Variants in FAM83A observed in about 807,000 individuals in gnomAD.
The protein encoded by FAM83A is scaffolding CK1 anchoring protein A.
A neutral mutation model predicts 24.4 loss-of-function variants in FAM83A; 21 were observed. That is an observed-to-expected ratio of 0.86 (90% CI 0.61 to 1.24). FAM83A has a LOEUF of 1.24. FAM83A is among the 50% of genes most tolerant of loss of function. The pLI is 0.00. For missense variants in FAM83A, 617 were observed against 579.8 expected, an observed-to-expected ratio of 1.06 and a Z score of -0.66; for synonymous variants, 270 against 252.4, an observed-to-expected ratio of 1.07 and a Z score of -0.66.
At chr8:123,192,111 G>A in intron 2 of FAM83A, 141 bp downstream of exon 2, 2 of 907,320 alleles carry the variant, frequency 2.2e-6, no homozygotes, top group Non-Finnish European at 3.3e-6. Context: ...AAACTCCTAT[G>A]TAGGTCAGAT....
At chr8:123,207,399 C>T (rs140363798) in exon 4 of FAM83A, 7 of 1,611,032 alleles carry the variant, frequency 4.3e-6, no homozygotes, top group East Asian at 2.2e-5. Context: ...AGCGGCCGCT[C>T]GGCAGGCAGC....
chr8:123,207,418 T>C, exon 4 of FAM83A: 1 of 1,610,130 alleles, frequency 6.2e-7, no homozygotes, highest in South Asian at 1.1e-5. Flanking sequence ...GCCACCCCGG[T>C]ACCCGAAGTG....
At chr8:123,185,251 G>A (rs556757656) in intron 1 of FAM83A, among the ~76,000 whole-genome samples, 8 of 152,218 alleles carry the variant, frequency 5.3e-5, no homozygotes, top group Non-Finnish European at 1.2e-4. Flanking sequence ...GGCTCCAAAG[G>A]CCTGTTCCTG....
intron 3 of FAM83A, among the ~76,000 whole-genome samples, chr8:123,205,425 A>G (rs961370270): frequency 2.0e-5 from 3 of 152,240 alleles, no homozygotes; most frequent in African/African-American, 7.2e-5. Context: ...CTCGGCATCA[A>G]CTGCTCACCT....
intron 1 of FAM83A, among the ~76,000 whole-genome samples, chr8:123,191,334 T>A (rs1490249065): frequency 2.6e-5 from 4 of 152,172 alleles, no homozygotes; most frequent in Non-Finnish European, 5.9e-5. Flanking sequence ...ATACGGTGCC[T>A]CCACATGGGA....
intron 1 of FAM83A, among the ~76,000 whole-genome samples, chr8:123,188,762 C>A (rs1284265792): frequency 1.3e-5 from 2 of 152,214 alleles, no homozygotes; most frequent in African/African-American, 2.4e-5. Context: ...GGATTATAGG[C>A]ATAAGCCACC....
At chr8:123,189,269 C>T (rs976909366) in intron 1 of FAM83A, among the ~76,000 whole-genome samples, 1 of 152,186 alleles carries the variant, frequency 6.6e-6, no homozygotes, top group African/African-American at 2.4e-5. Context: ...TGAGGAGTTC[C>T]CTCCCCTGTC....
At chr8:123,190,284 CAG>C (rs775964589) in intron 1 of FAM83A, among the ~76,000 whole-genome samples, 25 of 152,158 alleles carry the variant, frequency 1.6e-4, no homozygotes, top group African/African-American at 5.8e-4. Context: ...TATTTTGAGA[CAG>C]AGTCTCTTTC....
At chr8:123,203,758 G>A (rs1276421903) in intron 3 of FAM83A, among the ~76,000 whole-genome samples, 1 of 151,788 alleles carries the variant, frequency 6.6e-6, no homozygotes, top group African/African-American at 2.4e-5. Context: ...AAGTGGGTGG[G>A]AGACATAAGC....
chr8:123,183,487 G>C (rs1823685699), intron 1 of FAM83A, 151 bp downstream of exon 1: 5 of 1,244,794 alleles, frequency 4.0e-6, no homozygotes, highest in African/African-American at 3.0e-5. Flanking sequence ...GCCTTGCCCT[G>C]GACCACTGAC....
At chr8:123,182,963 G>T in exon 1 of FAM83A, 1 of 1,609,584 alleles carries the variant, frequency 6.2e-7, no homozygotes, top group Non-Finnish European at 8.5e-7. Context: ...GAGAGTGCCC[G>T]GCTGGCCACG....
intron 1 of FAM83A, among the ~76,000 whole-genome samples, chr8:123,186,461 A>G (rs1823801631): frequency 6.6e-6 from 1 of 152,230 alleles, no homozygotes; most frequent in Non-Finnish European, 1.5e-5. Flanking sequence ...GAGTCCCAGC[A>G]TGAGAGATGT....
intron 3 of FAM83A, among the ~76,000 whole-genome samples, chr8:123,205,208 C>T (rs1253366996): frequency 2.6e-5 from 4 of 152,022 alleles, no homozygotes; most frequent in Admixed American, 6.5e-5. Flanking sequence ...ACAGTGCAAT[C>T]GGGGACACAG....
At chr8:123,208,177 G>A in exon 4 of FAM83A, 1 of 988,416 alleles carries the variant, frequency 1.0e-6, no homozygotes, top group African/African-American at 1.7e-5. Flanking sequence ...GAACATTCTG[G>A]ATGTTTCGGG....
exon 4 of FAM83A, chr8:123,207,851 C>T (rs1003654956): frequency 1.8e-4 from 246 of 1,383,384 alleles, no homozygotes; most frequent in Non-Finnish European, 2.2e-4. Flanking sequence ...ATCCACTTGC[C>T]GGCCCCCACC....
chr8:123,193,788 CAGA>C (rs1414896119), intron 2 of FAM83A, among the ~76,000 whole-genome samples: 1 of 152,210 alleles, frequency 6.6e-6, no homozygotes, highest in Non-Finnish European at 1.5e-5. Flanking sequence ...CCTCACATGG[CAGA>C]AGGAGTGAGG....
intron 3 of FAM83A, among the ~76,000 whole-genome samples, chr8:123,200,966 A>ATATAT (rs1401338249): frequency 1.9e-4 from 27 of 145,026 alleles, no homozygotes; most frequent in African/African-American, 7.0e-4. Flanking sequence ...ACAAAAAAAA[A>ATATAT]AAATATATAT....
chr8:123,200,832 G>A (rs1224439696), intron 3 of FAM83A, among the ~76,000 whole-genome samples: 2 of 151,962 alleles, frequency 1.3e-5, no homozygotes, highest in Admixed American at 6.6e-5. Flanking sequence ...GTGGGTGCCT[G>A]TAATTCCAGC....
chr8:123,181,905 G>C, upstream of FAM83A: 2 of 381,456 alleles, frequency 5.2e-6, no homozygotes, highest in South Asian at 3.8e-5. Context: ...CACCCAAAGA[G>C]AGTCAGGGTT....
Sources: allele counts gnomAD v4.1 joint callset (sites outside exome capture counted in the v4.1 genomes callset), GRCh38; gene constraint gnomAD v4.1.1; transcripts MANE v1.5; gene names NCBI Gene and HGNC (gene_info 2026-07-23, HGNC 2026-07-21).